The following ZNF609 variants were observed in gnomAD, a reference collection of about 807,000 sequenced individuals.
The protein encoded by ZNF609 is zinc finger protein 609.
In ZNF609, 11 loss-of-function variants were observed where a neutral mutation model predicts 109.5. The ratio of observed to expected loss-of-function variants is 0.10; its 90% confidence interval spans 0.06 to 0.17. The LOEUF (loss-of-function observed/expected upper bound fraction) is 0.17, where lower values mean the gene tolerates loss of function less well. Among genes scored for constraint, ZNF609 ranks in the 10% least tolerant of loss-of-function variants. The pLI, the probability that ZNF609 is intolerant of heterozygous loss-of-function variation, is 1.00. For synonymous variants in ZNF609, 646 were observed against 662.0 expected, an observed-to-expected ratio of 0.98 and a Z score of 0.37; for missense variants, 1,559 against 1,772.4, an observed-to-expected ratio of 0.88 and a Z score of 2.16.
chr15:64,633,931 G>T (rs2249914), intron 3 of ZNF609, among the ~76,000 whole-genome samples: 2 of 151,974 alleles, frequency 1.3e-5, no homozygotes, highest in African/African-American at 4.8e-5. Context: ...CTCATGCCTC[G>T]TATAGCCACC....
At chr15:64,537,795 A>G (rs2140377464) in intron 2 of ZNF609, among the ~76,000 whole-genome samples, 1 of 152,214 alleles carries the variant, frequency 6.6e-6, no homozygotes, top group Admixed American at 6.5e-5. Context: ...TATCTTCTTC[A>G]TTGAAAATGT....
At chr15:64,621,745 T>C (rs888548274) in intron 2 of ZNF609, among the ~76,000 whole-genome samples, 12 of 149,082 alleles carry the variant, frequency 8.0e-5, no homozygotes, top group African/African-American at 3.0e-4. Context: ...AGTTTCTGGT[T>C]TTGGAAGCAA....
At chr15:64,623,313 T>A (rs1027120439) in intron 3 of ZNF609, among the ~76,000 whole-genome samples, 1 of 152,190 alleles carries the variant, frequency 6.6e-6, no homozygotes, top group Non-Finnish European at 1.5e-5. Flanking sequence ...GCCAGGTAAT[T>A]CAAACTGTAT....
At chr15:64,513,805 C>T (rs377652139) in intron 2 of ZNF609, among the ~76,000 whole-genome samples, 1 of 152,034 alleles carries the variant, frequency 6.6e-6, no homozygotes, top group African/African-American at 2.4e-5. Flanking sequence ...AAGGAACAGC[C>T]AGCTGGCTGG....
At chr15:64,565,689 C>T (rs1894764634) in intron 2 of ZNF609, among the ~76,000 whole-genome samples, 1 of 152,102 alleles carries the variant, frequency 6.6e-6, no homozygotes, top group South Asian at 2.1e-4. Flanking sequence ...AGGAAGATTA[C>T]TAGAATAAGC....
chr15:64,652,302 G>T (rs1476227556), intron 3 of ZNF609, among the ~76,000 whole-genome samples: 2 of 151,824 alleles, frequency 1.3e-5, no homozygotes, highest in Admixed American at 1.3e-4. Context: ...CAGCTTACAG[G>T]CATGAGCCAC....
chr15:64,591,426 T>C (rs972852397), intron 2 of ZNF609, among the ~76,000 whole-genome samples: 9 of 150,456 alleles, frequency 6.0e-5, no homozygotes, highest in Non-Finnish European at 1.3e-4. Context: ...AGACTCTATC[T>C]CAAAAAACAA....
At chr15:64,556,876 C>T (rs899676069) in intron 2 of ZNF609, among the ~76,000 whole-genome samples, 2 of 152,118 alleles carry the variant, frequency 1.3e-5, no homozygotes, top group African/African-American at 4.8e-5. Context: ...TATATCCTAT[C>T]TGCTTTTTAA....
chr15:64,553,723 C>T (rs773276039), intron 2 of ZNF609, among the ~76,000 whole-genome samples: 1 of 151,980 alleles, frequency 6.6e-6, no homozygotes, highest in African/African-American at 2.4e-5. Flanking sequence ...CTCAGCCTCC[C>T]GAGTAGCTGG....
rs1462496077 is a variant in ZNF609 at position 64,685,057 on chromosome 15, G to A, written c.*3371G>A. 6.6e-6 allele frequency: 1 copy of A among 152,532 alleles called. No individual in the cohort carries two copies. The highest frequency in any genetic ancestry group is 1.5e-5 in the Non-Finnish European group (1 of 68,012). 9.4% of individuals were successfully genotyped at this position (152,532 alleles called of 1,614,324 possible). A position where few individuals can be genotyped will look rare whatever the true frequency, so the allele number is the denominator to read the frequency against. On this transcript the variant is annotated 3_prime_UTR_variant, in exon 10 of 10. Transcript: ENST00000326648. ...TGGAGGCCCGGGCTGGAGGGGCAGT[G>A]TTGCTGTTCATAGATTTTGTTCCAT...
Position 64,489,427 on chromosome 15 carries a change from G to A in ZNF609, c.-127-9866G>A, listed in dbSNP as rs185961825. 9.6e-3 allele frequency among the ~76,000 whole-genome samples: 1,444 copies of A among 151,046 alleles called. 12 individuals are homozygous for A. Among genetic ancestry groups the A allele is most frequent in the Non-Finnish European group, 0.016 (1,060 of 67,852 alleles). On this transcript the variant is annotated intron_variant, in intron 1 of 9. Coordinates refer to ENST00000326648, the MANE Select transcript of ZNF609 (RefSeq NM_015042.2). ...GAACTCCTGACCTTGTGATCCACCC[G>A]CCTCGGCCTCCCAAAGTGCTGGAAT...
rs1215134061 is a variant in ZNF609, at chr15:64,675,671, G to A, written c.2817G>A (p.Val939=). 1 of 1,614,098 alleles carries A rather than the reference G, an allele frequency of 6.2e-7. No homozygotes were observed. The highest frequency in any genetic ancestry group is 2.2e-5 in the East Asian group (1 of 44,892). ...DEEPESIEGK[V]KNDICEEKKP... is the part of the protein sequence containing the mutation. The stretch of plus-strand genomic sequence containing the variant: ...AACCTGAGAGCATAGAAGGGAAAGT[G>A]AAGAACGATATCTGTGAAGAAAAGA... Residue 939 remains valine, a synonymous_variant, in exon 5 of 10, where the codon GTG becomes GTA. Transcript: ENST00000326648.
chr15:64,614,174 G>A lies in ZNF609; in HGVS notation c.748-8653G>A, dbSNP rs1895761972. Reference sequence around the variant, plus strand: ...GGCCTCAAGTGATCTGCCCACCTTGGACTCCCAAAGTGCTGGGATTACAGG... The same window carrying A: ...GGCCTCAAGTGATCTGCCCACCTTGAACTCCCAAAGTGCTGGGATTACAGG... On this transcript the variant is annotated intron_variant, in intron 2 of 9. Coordinates refer to ENST00000326648, the MANE Select transcript of ZNF609 (RefSeq NM_015042.2). Among the ~76,000 whole-genome samples the A allele has an allele frequency of 2.0e-5, 3 of 151,664 alleles. No homozygotes were observed. In the South Asian group the frequency reaches 6.2e-4, roughly 32 times the overall value.
rs78061004 is a variant in ZNF609 at position 64,590,077 on chromosome 15, A to G, written c.748-32750A>G. On this transcript the variant is annotated intron_variant, in intron 2 of 9. Transcript: ENST00000326648. ...AAGGTAAGAAAAAAACACACTGCAC[A>G]TGGTCCTCATTTATGAACTTAAATC... is the stretch of plus-strand genomic sequence containing the variant. 8.5e-3 allele frequency among the ~76,000 whole-genome samples: 1,299 copies of G among 152,282 alleles called. 20 individuals carry two copies. The highest frequency in any genetic ancestry group is 0.03 in the African/African-American group (1,246 of 41,546).
intron 3 of ZNF609, among the ~76,000 whole-genome samples, chr15:64,669,533 A>G (rs1443849271): frequency 3.3e-5 from 5 of 152,210 alleles, no homozygotes; most frequent in Admixed American, 6.5e-5. Context: ...GAACTGGAAG[A>G]CTGAAGAACA....
intron 9 of ZNF609, 121 bp from the exon 10 acceptor site, chr15:64,681,571 C>T: frequency 1.7e-6 from 1 of 584,878 alleles, no homozygotes; most frequent in Non-Finnish European, 3.1e-6. Flanking sequence ...ACCTGTGGAA[C>T]ACAGTGTCCC....
intron 2 of ZNF609, among the ~76,000 whole-genome samples, chr15:64,552,884 C>G (rs768843954): frequency 1.8e-4 from 27 of 152,156 alleles, no homozygotes; most frequent in Non-Finnish European, 3.1e-4. Flanking sequence ...TGGCCTCAAG[C>G]AGTCCTCCCA....
Position 64,681,830 on chromosome 15 carries a change from C to A in ZNF609, c.*144C>A. Reference sequence around the variant, plus strand: ...TTTCCACCATGACTGAAGGCAGACCCTTGGCTATCTCACCTCCACCAGACC... The same window carrying A: ...TTTCCACCATGACTGAAGGCAGACCATTGGCTATCTCACCTCCACCAGACC... On this transcript the variant is annotated 3_prime_UTR_variant, in exon 10 of 10. Transcript: ENST00000326648. The A allele has an allele frequency of 6.4e-6, 1 of 156,332 alleles. No individual in the cohort carries two copies. The highest frequency in any genetic ancestry group is 1.4e-5 in the Non-Finnish European group (1 of 70,354). 9.7% of individuals were successfully genotyped at this position (156,332 alleles called of 1,614,324 possible).
At position 64,600,732 on chromosome 15, in the gene ZNF609, A is replaced by G. The variant is rs1302427571; in HGVS notation, c.748-22095A>G. 2.6e-5 allele frequency among the ~76,000 whole-genome samples: 4 copies of G among 151,954 alleles called. No individual in the cohort carries two copies. In the East Asian group the frequency reaches 5.8e-4, roughly 22 times the overall value. On this transcript the variant is annotated intron_variant, in intron 2 of 9. Coordinates refer to ENST00000326648, the MANE Select transcript of ZNF609 (RefSeq NM_015042.2). Reference sequence around the variant, plus strand: ...AAGAAAGGAAGGGAAAGAAAGAAAAAAAAGAAAAATTAATGGCCTCTCTTA... The same window carrying G: ...AAGAAAGGAAGGGAAAGAAAGAAAAGAAAGAAAAATTAATGGCCTCTCTTA...
Sources: gnomAD v4.1 joint callset for allele counts (sites outside exome capture counted in the v4.1 genomes callset) on GRCh38, gnomAD v4.1.1 for gene constraint, MANE v1.5 for transcripts, NCBI Gene and HGNC (gene_info 2026-07-23, HGNC 2026-07-21) for gene names.